The following SAA2 variants were observed in gnomAD, a reference collection of about 807,000 sequenced individuals.
The protein encoded by SAA2 is serum amyloid A2, also known as serum amyloid A-2 protein.
In SAA2, 5 loss-of-function variants were observed where a neutral mutation model predicts 9.1. That is an observed-to-expected ratio of 0.55 (90% CI 0.29 to 1.16). SAA2 has a LOEUF of 1.16. SAA2 is among the 50% of genes most tolerant of loss of function. The pLI, the probability that SAA2 is intolerant of heterozygous loss-of-function variation, is 0.09. For missense variants in SAA2, 94 were observed against 153.8 expected (o/e 0.61, Z 2.06); for synonymous variants, 49 against 59.8 (o/e 0.82, Z 0.83).
At chr11:18,239,594 G>T (rs1429496694) in exon 4 of SAA2, 2 of 403,836 alleles carry the variant, frequency 5.0e-6, no homozygotes. Context: ...AGCCAAAGGT[G>T]AACTCCTCAA....
intron 2 of SAA2, among the ~76,000 whole-genome samples, chr11:18,246,752 G>A (rs1443688265): frequency 1.3e-5 from 2 of 151,840 alleles, no homozygotes; most frequent in South Asian, 2.1e-4. Context: ...AGGCTGCTCC[G>A]GAACTCATGA....
Position 18,245,511 on chromosome 11 carries a change from C to T in SAA2, c.235G>A (p.Ala79Thr), listed in dbSNP as rs775066474. ...GAWAAEVISN[A>T]RENIQRLTGR... ...GTGAGTCTCTGGATATTCTCTCTGG[C>T]ATTGCTGTAGTCCAGGCAGGCAAGA... Residue 79 changes from alanine (A) to threonine (T), a missense_variant, in exon 4 of 4, where the codon GCC (alanine) becomes ACC (threonine). Physicochemically the swap from Ala to Thr is moderately conservative, Grantham distance 58. Around this residue, in one of 2 missense-constraint regions of SAA2, gnomAD observed 62 missense variants for 58.3 expected, o/e 1.06. Transcript: ENST00000256733. 44 of 1,613,918 alleles carry T rather than the reference C, an allele frequency of 2.7e-5. 1 individual carries two copies. The South Asian group carries it at 4.8e-4, about 18-fold the overall frequency.
exon 4 of SAA2, chr11:18,239,943 A>G: frequency 6.4e-7 from 1 of 1,550,556 alleles, no homozygotes; most frequent in South Asian, 1.2e-5. Context: ...TTCTTCCTTC[A>G]CTCTCTACAG....
chr11:18,243,544 T>G (rs1857411377), downstream of SAA2, among the ~76,000 whole-genome samples: 1 of 152,188 alleles, frequency 6.6e-6, no homozygotes, highest in African/African-American at 2.4e-5. Flanking sequence ...CACGCCTCTC[T>G]CCATCTTATT....
In SAA2 at chr11:18,245,431, C is replaced by T; in HGVS notation, c.315G>A (p.Arg105=). The change falls in exon 4 of 4, where the codon AGG becomes AGA. Residue 105 remains arginine (R), a synonymous_variant. Transcript: ENST00000256733. The stretch of plus-strand genomic sequence containing the variant: ...GGAAGTGATTGGGGTCTCTGCCACT[C>T]CTGCCCCATTTATTGGCAGCCTGAT... ...LADQAANKWG[R]SGRDPNHFRP... 1.2e-6 allele frequency: 2 copies of T among 1,614,248 alleles called. No individual in the cohort carries two copies. Among genetic ancestry groups the T allele is most frequent in the East Asian group, 2.2e-5 (1 of 44,886 alleles).
exon 4 of SAA2, chr11:18,239,776 A>G (rs2134132014): frequency 1.4e-6 from 1 of 718,846 alleles, no homozygotes. Flanking sequence ...CTGAGCCTTC[A>G]GACCTCTCTT....
At chr11:18,247,209 C>G (rs2134148160) in intron 2 of SAA2, among the ~76,000 whole-genome samples, 1 of 152,236 alleles carries the variant, frequency 6.6e-6, no homozygotes, top group Middle Eastern at 3.4e-3. Context: ...ACGTTAGTTC[C>G]CAGCTCTTGT....
chr11:18,243,242 T>G (rs149609630), downstream of SAA2, among the ~76,000 whole-genome samples: 26 of 152,314 alleles, frequency 1.7e-4, no homozygotes, highest in African/African-American at 6.3e-4. Flanking sequence ...TTATTTCTAG[T>G]AATAATATGT....
downstream of SAA2, among the ~76,000 whole-genome samples, chr11:18,238,480 G>A (rs1309869333): frequency 6.6e-6 from 1 of 151,460 alleles, no homozygotes; most frequent in African/African-American, 2.4e-5. Flanking sequence ...TTTTTTTGTG[G>A]TTTTCTTAAA....
chr11:18,245,150 A>G (rs779743019), downstream of SAA2: 76 of 961,970 alleles, frequency 7.9e-5, no homozygotes, highest in Non-Finnish European at 1.1e-4. Flanking sequence ...AGGCCTACCT[A>G]GGCTCACCCT....
At chr11:18,243,986 C>G (rs1014590957), downstream of SAA2, among the ~76,000 whole-genome samples, 2 of 152,182 alleles carry the variant, frequency 1.3e-5, no homozygotes, top group Non-Finnish European at 1.5e-5. Flanking sequence ...ACATCTTTTC[C>G]TGTTCTTTTG....
rs527314319 is a variant in SAA2 at position 18,245,341 on chromosome 11, T to C, written c.*36A>G. 95 of 1,612,616 alleles carry C rather than the reference T, an allele frequency of 5.9e-5. No homozygotes were observed. Among genetic ancestry groups the C allele is most frequent in the Non-Finnish European group, 7.9e-5 (93 of 1,179,244 alleles). Reference sequence around the variant, plus strand: ...TTGTATCCCTGCCCCGAGGGCCTCATAGCCAGGTCTCCTGAGAGCAGAGTG... The same window carrying C: ...TTGTATCCCTGCCCCGAGGGCCTCACAGCCAGGTCTCCTGAGAGCAGAGTG... On this transcript the variant is annotated 3_prime_UTR_variant, in exon 4 of 4. Coordinates refer to ENST00000256733, the MANE Select transcript of SAA2 (RefSeq NM_030754.5).
chr11:18,248,384 C>G (rs1857671384), intron 1 of SAA2: 1 of 223,398 alleles, frequency 4.5e-6, no homozygotes, highest in African/African-American at 2.4e-5. Context: ...ATTTTTTATT[C>G]TTAAAGCCTT....
At chr11:18,241,508 G>A (rs997562886), downstream of SAA2, among the ~76,000 whole-genome samples, 1 of 152,090 alleles carries the variant, frequency 6.6e-6, no homozygotes, top group African/African-American at 2.4e-5. Flanking sequence ...GTTAATCAAC[G>A]AATGATTGGA....
downstream of SAA2, among the ~76,000 whole-genome samples, chr11:18,244,411 A>G (rs550885720): frequency 2.0e-5 from 3 of 152,294 alleles, no homozygotes; most frequent in South Asian, 4.2e-4. Context: ...TAATACCTCA[A>G]TGGAGTTCTT....
rs189840576 is a variant in SAA2, at chr11:18,248,595, C to T, written c.-5+8G>A. Reference sequence around the variant, plus strand: ...GTTTTAAAAATCACTCCTTGGTGTGCTCCTCACCTGATCTGTGCTGTAGCT... The same window carrying T: ...GTTTTAAAAATCACTCCTTGGTGTGTTCCTCACCTGATCTGTGCTGTAGCT... On this transcript the variant is annotated splice_region_variant and intron_variant, in intron 1 of 3. Transcript: ENST00000256733. 1.5e-4 allele frequency: 23 copies of T among 157,178 alleles called. No individual in the cohort carries two copies. Among genetic ancestry groups the T allele is most frequent in the African/African-American group, 4.8e-4 (20 of 41,504 alleles). The allele number at this position is 157,178 out of a possible 1,614,324, so 9.7% of individuals were successfully genotyped here.
chr11:18,246,109 T>G, intron 2 of SAA2, 61 bp from the exon 3 acceptor site: 1 of 1,514,876 alleles, frequency 6.6e-7, no homozygotes, highest in Non-Finnish European at 9.0e-7. Context: ...CAACAACACC[T>G]TAGAGGGGAA....
downstream of SAA2, chr11:18,242,853 C>G (rs566206241): frequency 1.4e-6 from 1 of 700,154 alleles, no homozygotes; most frequent in Non-Finnish European, 2.6e-6. Context: ...TCTCAAATAA[C>G]GAAACAAAAC....
chr11:18,246,481 G>A (rs1480867472), intron 2 of SAA2, among the ~76,000 whole-genome samples: 1 of 152,230 alleles, frequency 6.6e-6, no homozygotes, highest in African/African-American at 2.4e-5. Flanking sequence ...GATACTGTGG[G>A]TTGCTTGAGG....
Sources: allele counts gnomAD v4.1 joint callset (sites outside exome capture counted in the v4.1 genomes callset), GRCh38; gene constraint gnomAD v4.1.1; regional missense constraint gnomAD v4.1.1; transcripts MANE v1.5; gene names NCBI Gene and HGNC (gene_info 2026-07-23, HGNC 2026-07-21).